BNC2: variants seen among roughly 807,000 people sequenced by gnomAD.
BNC2 encodes zinc finger protein basonuclin-2.
A neutral mutation model predicts 76.3 loss-of-function variants in BNC2; 20 were observed. The observed-to-expected ratio is 0.26, with a 90% CI of 0.18 to 0.38. The LOEUF is 0.38. Among genes scored for constraint, BNC2 ranks in the 10% least tolerant of loss-of-function variants. BNC2 has a pLI of 1.00. For missense variants in BNC2, 1,382 were observed against 1,399.8 expected (o/e 0.99, Z 0.20); for synonymous variants, 582 against 514.8 (o/e 1.13, Z -1.77).
intron 3 of BNC2, among the ~76,000 whole-genome samples, chr9:16,699,779 C>T (rs1554711365): frequency 1.3e-5 from 2 of 152,174 alleles, no homozygotes; most frequent in Non-Finnish European, 2.9e-5. Flanking sequence ...GGAAAGAGAT[C>T]AGTTCAAATG....
intron 1 of BNC2, among the ~76,000 whole-genome samples, chr9:16,849,351 GAT>G (rs1491203193): frequency 1.1e-3 from 123 of 110,012 alleles, no homozygotes; most frequent in African/African-American, 4.2e-3. Flanking sequence ...CCATGCAAAA[GAT>G]TTTTTTTTTT....
chr9:16,566,285 T>A, intron 4 of BNC2, among the ~76,000 whole-genome samples: 1 of 152,086 alleles, frequency 6.6e-6, no homozygotes, highest in East Asian at 1.9e-4. Flanking sequence ...ATGAACACAG[T>A]TAAGTGTATA....
At chr9:16,794,712 T>C (rs1817599438) in intron 1 of BNC2, among the ~76,000 whole-genome samples, 1 of 152,186 alleles carries the variant, frequency 6.6e-6, no homozygotes, top group Non-Finnish European at 1.5e-5. Context: ...ACACAATTCC[T>C]CAGCTAACAC....
At chr9:16,552,975 T>C (rs1398438571) in intron 4 of BNC2, among the ~76,000 whole-genome samples, 1 of 152,200 alleles carries the variant, frequency 6.6e-6, no homozygotes, top group Non-Finnish European at 1.5e-5. Flanking sequence ...ATTTTTTTAA[T>C]TGGATGTGTT....
chr9:16,458,165 A>G (rs1821496313), intron 5 of BNC2, among the ~76,000 whole-genome samples: 1 of 152,156 alleles, frequency 6.6e-6, no homozygotes, highest in Admixed American at 6.5e-5. Context: ...CTACCATTAT[A>G]AACTGTGCAA....
intron 5 of BNC2, among the ~76,000 whole-genome samples, chr9:16,501,159 C>T (rs1822509412): frequency 2.6e-5 from 4 of 152,116 alleles, no homozygotes; most frequent in South Asian, 4.1e-4. Context: ...ATATAAGTAA[C>T]GCACTTAAAA....
At chr9:16,596,223 A>C (rs1820070062) in intron 3 of BNC2, among the ~76,000 whole-genome samples, 1 of 152,138 alleles carries the variant, frequency 6.6e-6, no homozygotes, top group Admixed American at 6.6e-5. Context: ...TAGAGGAAGA[A>C]ATAAAAATTA....
At chr9:16,667,105 A>ACACACG (rs1822320059) in intron 3 of BNC2, among the ~76,000 whole-genome samples, 1 of 151,082 alleles carries the variant, frequency 6.6e-6, no homozygotes, top group African/African-American at 2.5e-5. Flanking sequence ...ACACACACAC[A>ACACACG]CACGCACACA....
intron 1 of BNC2, among the ~76,000 whole-genome samples, chr9:16,805,866 A>G (rs1018456605): frequency 4.6e-5 from 7 of 152,202 alleles, no homozygotes; most frequent in African/African-American, 1.7e-4. Context: ...TCAGGCATTA[A>G]ATACTGATAC....
intron 6 of BNC2, among the ~76,000 whole-genome samples, chr9:16,427,962 T>C (rs1380325008): frequency 2.6e-5 from 4 of 152,172 alleles, no homozygotes; most frequent in Admixed American, 1.3e-4. Context: ...CTGGGACAAA[T>C]ACATAAGTTT....
intron 1 of BNC2, among the ~76,000 whole-genome samples, chr9:16,759,952 T>A (rs978772422): frequency 6.6e-6 from 1 of 152,180 alleles, no homozygotes; most frequent in Admixed American, 6.5e-5. Context: ...CTGGATTTCC[T>A]GACCTCGTGA....
At chr9:16,834,575 TTAGAG>T (rs1818659448) in intron 1 of BNC2, among the ~76,000 whole-genome samples, 1 of 152,102 alleles carries the variant, frequency 6.6e-6, no homozygotes, top group Admixed American at 6.5e-5. Context: ...TGCTACTTCC[TTAGAG>T]TACTCAGGAG....
chr9:16,811,366 C>T (rs1818047928), intron 1 of BNC2, among the ~76,000 whole-genome samples: 1 of 151,086 alleles, frequency 6.6e-6, no homozygotes, highest in African/African-American at 2.4e-5. Flanking sequence ...GCCTGGCCAA[C>T]ATGGTGAAAC....
chr9:16,411,775 T>A lies in BNC2; in HGVS notation c.*7214A>T, dbSNP rs780397869. The A allele has an allele frequency of 6.6e-6, 1 of 152,510 alleles. No individual in the cohort carries two copies. The highest frequency in any genetic ancestry group is 2.1e-4 in the South Asian group (1 of 4,834). The allele number at this position is 152,510 out of a possible 1,614,324, so 9.4% of individuals were successfully genotyped here. A position where few individuals can be genotyped will look rare whatever the true frequency, so the allele number is the denominator to read the frequency against. On this transcript the variant is annotated 3_prime_UTR_variant, in exon 7 of 7. Coordinates refer to ENST00000380672, the MANE Select transcript of BNC2 (RefSeq NM_017637.6). ...TGTTCTCTCCTTGCTAAAGTTCATA[T>A]GGAAGATGATACCGATACCTGCACG...
chr9:16,758,125 A>G (rs762521907), intron 1 of BNC2, among the ~76,000 whole-genome samples: 2 of 152,168 alleles, frequency 1.3e-5, no homozygotes, highest in African/African-American at 4.8e-5. Flanking sequence ...ATCCGCCACC[A>G]GCATTCCTTA....
chr9:16,676,976 CA>C, intron 3 of BNC2, among the ~76,000 whole-genome samples: 1 of 152,062 alleles, frequency 6.6e-6, no homozygotes, highest in Non-Finnish European at 1.5e-5. Context: ...TATCTTGTTC[CA>C]AAATTTTCTG....
chr9:16,743,047 T>G (rs886536960), intron 1 of BNC2, among the ~76,000 whole-genome samples: 3 of 152,202 alleles, frequency 2.0e-5, no homozygotes, highest in Non-Finnish European at 4.4e-5. Context: ...GTTATTAAAT[T>G]ACCAAGAACC....
chr9:16,419,976 G>T (rs1162766368), intron 6 of BNC2, among the ~76,000 whole-genome samples: 1 of 152,122 alleles, frequency 6.6e-6, no homozygotes, highest in East Asian at 1.9e-4. Flanking sequence ...AGCATCAGCT[G>T]CAGAGAATTT....
intron 4 of BNC2, among the ~76,000 whole-genome samples, chr9:16,563,281 G>A (rs1006098557): frequency 6.6e-6 from 1 of 151,894 alleles, no homozygotes; most frequent in Middle Eastern, 3.2e-3. Flanking sequence ...TCTTTTCTGG[G>A]TATACAGGGA....
Sources: allele counts gnomAD v4.1 joint callset (sites outside exome capture counted in the v4.1 genomes callset), GRCh38; gene constraint gnomAD v4.1.1; transcripts MANE v1.5; gene names NCBI Gene and HGNC (gene_info 2026-07-23, HGNC 2026-07-21).